Variants in BMPR1B observed in about 807,000 individuals in gnomAD.
BMPR1B encodes bone morphogenetic protein receptor type-1B.
In BMPR1B, 12 loss-of-function variants were observed where a neutral mutation model predicts 59.1. The ratio of observed to expected loss-of-function variants is 0.20; its 90% CI spans 0.13 to 0.33. The LOEUF (loss-of-function observed/expected upper bound fraction) is 0.33. Ranked by LOEUF, BMPR1B falls within the 10% of genes least tolerant of loss-of-function variation. The pLI is 1.00. For synonymous variants in BMPR1B, 237 were observed against 207.3 expected, an observed-to-expected ratio of 1.14 and a Z score of -1.23; for missense variants, 550 against 610.9, an observed-to-expected ratio of 0.90 and a Z score of 1.05.
In BMPR1B at chr4:94,861,386, A is replaced by G. The variant is rs992171969; in HGVS notation, c.-182-14445A>G. On this transcript the variant is annotated intron_variant, in intron 1 of 12. Transcript: ENST00000515059. ...ATTTGAAGGCTGATTAGAATTTGCT[A>G]TTACTGGTTTCATCAGAGAGTATTT... 7.9e-5 allele frequency among the ~76,000 whole-genome samples: 12 copies of G among 152,318 alleles called. No individual in the cohort carries two copies. In the East Asian group the frequency reaches 1.5e-3, roughly 20 times the overall value.
chr4:94,810,163 C>G (rs939783863), intron 1 of BMPR1B, among the ~76,000 whole-genome samples: 2 of 152,156 alleles, frequency 1.3e-5, no homozygotes, highest in African/African-American at 4.8e-5. Context: ...TGAGCATATT[C>G]CCTTAGCATT....
At chr4:95,017,936 A>G (rs1285595263) in intron 3 of BMPR1B, among the ~76,000 whole-genome samples, 1 of 152,190 alleles carries the variant, frequency 6.6e-6, no homozygotes, top group Non-Finnish European at 1.5e-5. Flanking sequence ...TGAAATGGGT[A>G]AACAAATTCG....
intron 1 of BMPR1B, among the ~76,000 whole-genome samples, chr4:94,873,610 A>T (rs1726591807): frequency 6.6e-6 from 1 of 151,972 alleles, no homozygotes; most frequent in African/African-American, 2.4e-5. Flanking sequence ...GGGTTTCACC[A>T]TGTTGGCCAA....
chr4:95,081,862 A>G (rs1267911622), intron 3 of BMPR1B, among the ~76,000 whole-genome samples: 1 of 152,230 alleles, frequency 6.6e-6, no homozygotes, highest in Non-Finnish European at 1.5e-5. Flanking sequence ...AGAAGCAAAC[A>G]TCCAGTTTCT....
chr4:95,048,708 A>G (rs1331132777), intron 3 of BMPR1B, among the ~76,000 whole-genome samples: 1 of 152,172 alleles, frequency 6.6e-6, no homozygotes. Flanking sequence ...TAGAGGCTTA[A>G]TTAGATTGGA....
chr4:94,958,477 C>G (rs1283318240), intron 2 of BMPR1B, among the ~76,000 whole-genome samples: 1 of 152,106 alleles, frequency 6.6e-6, no homozygotes, highest in Non-Finnish European at 1.5e-5. Flanking sequence ...CATTTGGCTA[C>G]CCTTTGCTGC....
chr4:94,799,779 C>T (rs1467960554), intron 1 of BMPR1B, among the ~76,000 whole-genome samples: 1 of 151,978 alleles, frequency 6.6e-6, no homozygotes, highest in Non-Finnish European at 1.5e-5. Flanking sequence ...CAACCTGTGC[C>T]TCCTGGGTTC....
At chr4:94,878,038 G>A (rs1272847390) in intron 2 of BMPR1B, among the ~76,000 whole-genome samples, 1 of 151,982 alleles carries the variant, frequency 6.6e-6, no homozygotes, top group Non-Finnish European at 1.5e-5. Flanking sequence ...AATTTTAATG[G>A]CTCTATCATC....
chr4:95,043,270 C>A (rs1380595168), intron 3 of BMPR1B, among the ~76,000 whole-genome samples: 1 of 151,144 alleles, frequency 6.6e-6, no homozygotes, highest in African/African-American at 2.4e-5. Flanking sequence ...CAAGTCTGAC[C>A]TCATGGTCTT....
intron 9 of BMPR1B, among the ~76,000 whole-genome samples, chr4:95,130,765 C>T (rs1703398019): frequency 8.8e-6 from 1 of 113,678 alleles, no homozygotes; most frequent in South Asian, 2.9e-4. Context: ...AAGTCTCGCT[C>T]TGTCACCCAG....
In BMPR1B at chr4:94,947,044, C is replaced by A. The variant is rs552396499; in HGVS notation, c.-112-48996C>A. 5.3e-5 allele frequency among the ~76,000 whole-genome samples: 8 copies of A among 152,022 alleles called. No homozygotes were observed. The South Asian group carries it at 1.7e-3, about 32-fold the overall frequency. ...TCCAACCTGGGTGACAGAGTGAGAC[C>A]CCGTCTCAAAACATACAAACAAACC... On this transcript the variant is annotated intron_variant, in intron 2 of 12. Coordinates refer to ENST00000515059, the MANE Select transcript of BMPR1B (RefSeq NM_001203.3).
chr4:95,065,334 T>C lies in BMPR1B; in HGVS notation c.-17-39074T>C, dbSNP rs537957181. Among the ~76,000 whole-genome samples the C allele has an allele frequency of 5.3e-5, 8 of 152,264 alleles. No individual in the cohort carries two copies. In the South Asian group the frequency reaches 1.5e-3, roughly 28 times the overall value. ...GACTGCCTGTATATGGTTTTGTTTT[T>C]GAGGGGGTTGAAAATGTTCTAAAAT... On this transcript the variant is annotated intron_variant, in intron 3 of 12. Transcript: ENST00000515059.
intron 2 of BMPR1B, among the ~76,000 whole-genome samples, chr4:94,920,601 T>TGAG (rs1169860766): frequency 6.6e-6 from 1 of 151,798 alleles, no homozygotes; most frequent in Non-Finnish European, 1.5e-5. Flanking sequence ...ACTGTGGGAG[T>TGAG]GAGGAGTTGT....
chr4:94,862,671 C>T lies in BMPR1B; in HGVS notation c.-182-13160C>T, dbSNP rs867740971. On this transcript the variant is annotated intron_variant, in intron 1 of 12. Transcript: ENST00000515059. Reference sequence around the variant, plus strand: ...ATATAAGAAAATTAGCTGGGCCGGGCGTGGTGGCTCATGCCTGTAATCCCA... The same window carrying T: ...ATATAAGAAAATTAGCTGGGCCGGGTGTGGTGGCTCATGCCTGTAATCCCA... Among the ~76,000 whole-genome samples, 5 of 151,434 alleles carry T rather than the reference C, an allele frequency of 3.3e-5. No individual in the cohort carries two copies. The South Asian group carries it at 6.3e-4, about 19-fold the overall frequency.
intron 1 of BMPR1B, among the ~76,000 whole-genome samples, chr4:94,770,182 G>GTTTTTTTTTTTTTTTTTTTTTTTTT (rs1215939344): frequency 0.018 from 702 of 39,742 alleles, 68 homozygotes; most frequent in Non-Finnish European, 0.022. Context: ...TCGTTTCTGT[G>GTTTTTTTTTTTTTTTTTTTTTTTTT]TTTGTTTTTT....
At chr4:94,922,855 C>T (rs1728753678) in intron 2 of BMPR1B, among the ~76,000 whole-genome samples, 1 of 152,032 alleles carries the variant, frequency 6.6e-6, no homozygotes, top group Non-Finnish European at 1.5e-5. Context: ...TTAAATTGAT[C>T]ATTTGCTATC....
At chr4:94,970,264 C>T (rs71601248) in intron 2 of BMPR1B, among the ~76,000 whole-genome samples, 2 of 110,478 alleles carry the variant, frequency 1.8e-5, no homozygotes, top group African/African-American at 6.7e-5. Flanking sequence ...CTCTTCTCTT[C>T]TCTTCTCTTC....
chr4:95,114,910 C>T, intron 5 of BMPR1B, 88 bp downstream of exon 5: 1 of 1,311,312 alleles, frequency 7.6e-7, no homozygotes, highest in Non-Finnish European at 1.1e-6. Flanking sequence ...TTTTCTTGGC[C>T]AGCCCATTTT....
At chr4:94,970,268 TCTCTTCTC>T (rs920907887) in intron 2 of BMPR1B, among the ~76,000 whole-genome samples, 1 of 112,822 alleles carries the variant, frequency 8.9e-6, no homozygotes, top group Non-Finnish European at 2.0e-5. Context: ...TCTCTTCTCT[TCTCTTCTC>T]TTCTCTTCTC....
Sources: gnomAD v4.1 joint callset for allele counts (sites outside exome capture counted in the v4.1 genomes callset) on GRCh38, gnomAD v4.1.1 for gene constraint, MANE v1.5 for transcripts, NCBI Gene and HGNC (gene_info 2026-07-23, HGNC 2026-07-21) for gene names.